The following C3orf62 variants were observed in gnomAD, a reference collection of about 807,000 sequenced individuals.
C3orf62 encodes chromosome 3 open reading frame 62.
A neutral mutation model predicts 21.7 loss-of-function variants in C3orf62; 16 were observed. The ratio of observed to expected loss-of-function variants is 0.74; its 90% CI spans 0.50 to 1.12. C3orf62 has a LOEUF of 1.12. Ranked by LOEUF, C3orf62 falls within the 50% of genes most tolerant of loss-of-function variation. The pLI is 0.00. For synonymous variants in C3orf62, 114 were observed against 117.0 expected, an observed-to-expected ratio of 0.97 and a Z score of 0.17; for missense variants, 310 against 318.8, an observed-to-expected ratio of 0.97 and a Z score of 0.21.
rs181392167 is a variant in C3orf62 at position 49,277,019 on chromosome 3, C to T, written c.-147G>A. On this transcript the variant is annotated 5_prime_UTR_variant, in exon 1 of 3. Transcript: ENST00000343010. ...CCTGGAGTAGGCGGTTCTCGGCTCT[C>T]GCGGAGGAACCCGCCATCTGCCAGA... The T allele has an allele frequency of 0.018, 26,403 of 1,461,758 alleles. 261 individuals are homozygous for T. The highest frequency in any genetic ancestry group is 0.021 in the Non-Finnish European group (23,549 of 1,109,918). The allele number at this position is 1,461,758 out of a possible 1,614,324, so 90.5% of individuals were successfully genotyped here.
intron 2 of C3orf62, among the ~76,000 whole-genome samples, chr3:49,272,414 G>T (rs1244011217): frequency 6.6e-6 from 1 of 150,604 alleles, no homozygotes; most frequent in Non-Finnish European, 1.5e-5. Context: ...AGGACATTCA[G>T]ATTTGTATGT....
chr3:49,276,843 T>A lies in C3orf62; in HGVS notation c.30A>T (p.Leu10Phe), dbSNP rs2046965450. The change falls in exon 1 of 3, where the codon TTA (leucine) becomes TTT (phenylalanine). Residue 10 changes from leucine to phenylalanine, a missense_variant. Physicochemically the swap from Leu to Phe is conservative, Grantham distance 22 (BLOSUM62 0). Transcript: ENST00000343010. The part of the protein sequence containing the change: MHYIKTWSL[L>F]GEMSEKLRRC... Reference sequence around the variant, plus strand: ...TTCTTAGTTTTTCAGACATTTCTCCTAAAAGCGACCATGTCTTTATGTAAT... The same window carrying A: ...TTCTTAGTTTTTCAGACATTTCTCCAAAAAGCGACCATGTCTTTATGTAAT... The A allele has an allele frequency of 6.2e-7, 1 of 1,611,860 alleles. No individual in the cohort carries two copies. The highest frequency in any genetic ancestry group is 8.5e-7 in the Non-Finnish European group (1 of 1,179,214).
In C3orf62 at chr3:49,277,096, C is replaced by T. The variant is rs111861074; in HGVS notation, c.-224G>A. On this transcript the variant is annotated 5_prime_UTR_variant, in exon 1 of 3. Transcript: ENST00000343010. ...CCCACAGCTTCCTGGCCCGCCCCGC[C>T]GCTGCCTCCCGCCCCACCGCGGCTC... is the stretch of plus-strand genomic sequence containing the variant. 2.0e-6 allele frequency: 3 copies of T among 1,482,584 alleles called. No individual in the cohort carries two copies. Among genetic ancestry groups the T allele is most frequent in the African/African-American group, 1.4e-5 (1 of 72,012 alleles). 91.8% of individuals were successfully genotyped at this position (1,482,584 alleles called of 1,614,324 possible).
Position 49,274,160 on chromosome 3 carries a change from G to C in C3orf62, c.447-20C>G, listed in dbSNP as rs189148716. The C allele has an allele frequency of 1.5e-4, 234 of 1,569,644 alleles. 5 individuals are homozygous for C. The East Asian group carries it at 5.2e-3, about 35-fold the overall frequency. On this transcript the variant is annotated intron_variant, in intron 1 of 2. Transcript: ENST00000343010. ...TCTTTCCTGCAGCCCCCAGGTGGGG[G>C]GGAAGAAAAGGTGGGGAATTAGATT...
At chr3:49,273,114 A>G (rs778605477) in intron 2 of C3orf62, among the ~76,000 whole-genome samples, 5 of 152,202 alleles carry the variant, frequency 3.3e-5, no homozygotes, top group Non-Finnish European at 5.9e-5. Flanking sequence ...TGAGCAAAAC[A>G]TCTACCAAAT....
In C3orf62 at chr3:49,271,294, A is replaced by C; in HGVS notation, c.690T>G (p.Asp230Glu). 6.2e-7 allele frequency: 1 copy of C among 1,614,228 alleles called. No individual in the cohort carries two copies. The highest frequency in any genetic ancestry group is 8.5e-7 in the Non-Finnish European group (1 of 1,180,044). The stretch of plus-strand genomic sequence containing the variant: ...CCTGTTTGAGGCTGCCAGGGTCAGC[A>C]TCTGTGGCCTTCTGAGGGCTCTTGT... ...LMDKSPQKAT[D>E]ADPGSLKQAF... is the part of the protein sequence containing the mutation. Residue 230 changes from aspartate (D) to glutamate (E), a missense_variant, in exon 3 of 3, where the codon GAT becomes GAG. Physicochemically the swap from Asp to Glu is conservative, Grantham distance 45 (BLOSUM62 2). Transcript: ENST00000343010.
rs576861139 is a variant in C3orf62 at position 49,277,146 on chromosome 3, C to G, written c.-274G>C. ...CCCAGGCCGCTGGCCCTACCGGCAC[C>G]CCCCCTTTGGCGAGTCGGCAGCCAC... is the stretch of plus-strand genomic sequence containing the variant. On this transcript the variant is annotated 5_prime_UTR_variant, in exon 1 of 3. Transcript: ENST00000343010. 4.9e-6 allele frequency: 7 copies of G among 1,442,322 alleles called. No homozygotes were observed. Among genetic ancestry groups the G allele is most frequent in the Non-Finnish European group, 5.5e-6 (6 of 1,087,166 alleles). The allele number at this position is 1,442,322 out of a possible 1,614,324, so 89.3% of individuals were successfully genotyped here.
Position 49,271,377 on chromosome 3 carries a change from T to G in C3orf62, c.607A>C (p.Met203Leu). The change falls in exon 3 of 3, where the codon ATG (methionine) becomes CTG (leucine). Residue 203 changes from methionine (M) to leucine (L), a missense_variant. Transcript: ENST00000343010. The part of the protein sequence containing the change: ...KIEFENELNH[M>L]CGHCQDSPFK... ...GGTGAATCTTGGCAATGACCACACATGTGGTTCAATTCGTTTTCAAATTCT... is the reference window on the plus strand; with the variant it reads ...GGTGAATCTTGGCAATGACCACACAGGTGGTTCAATTCGTTTTCAAATTCT... 3 of 1,614,196 alleles carry G rather than the reference T, an allele frequency of 1.9e-6. No homozygotes were observed. The highest frequency in any genetic ancestry group is 1.7e-6 in the Non-Finnish European group (2 of 1,180,022).
rs1410954749 is a variant in C3orf62 at position 49,271,020 on chromosome 3, C to T, written c.*160G>A. 1.6e-5 allele frequency: 11 copies of T among 696,070 alleles called. No individual in the cohort carries two copies. Among genetic ancestry groups the T allele is most frequent in the Middle Eastern group, 6.4e-4 (2 of 3,128 alleles). The allele number at this position is 696,070 out of a possible 1,614,324, so 43.1% of individuals were successfully genotyped here. ...AATGGAATTCAAAAAACTGGTCTCA[C>T]AGCTTAAAAAGGGACACAACTGGGA... On this transcript the variant is annotated 3_prime_UTR_variant, in exon 3 of 3. Coordinates refer to ENST00000343010, the MANE Select transcript of C3orf62 (RefSeq NM_198562.3).
chr3:49,276,095 A>G (rs2046956955), intron 1 of C3orf62, among the ~76,000 whole-genome samples: 1 of 152,086 alleles, frequency 6.6e-6, no homozygotes, highest in Admixed American at 6.5e-5. Context: ...TGGAATTAAG[A>G]CTTTTGTTTC....
intron 1 of C3orf62, among the ~76,000 whole-genome samples, chr3:49,275,826 G>A (rs950090812): frequency 2.0e-5 from 3 of 151,944 alleles, no homozygotes; most frequent in Non-Finnish European, 4.4e-5. Context: ...CACCGCGCCC[G>A]GCCTGAAGTT....
rs915131751 is a variant in C3orf62, at chr3:49,271,379, T to C, written c.605A>G (p.His202Arg). The stretch of plus-strand genomic sequence containing the variant: ...TGAATCTTGGCAATGACCACACATG[T>C]GGTTCAATTCGTTTTCAAATTCTAT... ...GKIEFENELN[H>R]MCGHCQDSPF... Residue 202 changes from histidine to arginine, a missense_variant, in exon 3 of 3, where the codon CAC becomes CGC. Coordinates refer to ENST00000343010, the MANE Select transcript of C3orf62 (RefSeq NM_198562.3). 1 of 1,614,064 alleles carries C rather than the reference T, an allele frequency of 6.2e-7. No homozygotes were observed. The highest frequency in any genetic ancestry group is 1.3e-5 in the African/African-American group (1 of 74,918).
intron 1 of C3orf62, among the ~76,000 whole-genome samples, chr3:49,275,066 C>T (rs779642349): frequency 1.3e-5 from 2 of 151,628 alleles, no homozygotes; most frequent in African/African-American, 2.4e-5. Flanking sequence ...GTGATTCATC[C>T]GCCTCAGCCT....
chr3:49,272,709 GCC>G (rs1164498358), intron 2 of C3orf62, among the ~76,000 whole-genome samples: 3 of 151,548 alleles, frequency 2.0e-5, no homozygotes, highest in African/African-American at 4.8e-5. Context: ...GCACCACCAC[GCC>G]TGGCTAATTT....
chr3:49,276,982 T>A lies in C3orf62; in HGVS notation c.-110A>T. On this transcript the variant is annotated 5_prime_UTR_variant, in exon 1 of 3. Coordinates refer to ENST00000343010, the MANE Select transcript of C3orf62 (RefSeq NM_198562.3). Reference sequence around the variant, plus strand: ...CTGGCTATAGCAGGACCCACAACCCTCGGGCTTTCCTCCTGGAGTAGGCGG... The same window carrying A: ...CTGGCTATAGCAGGACCCACAACCCACGGGCTTTCCTCCTGGAGTAGGCGG... 6.7e-7 allele frequency: 1 copy of A among 1,483,694 alleles called. No homozygotes were observed. Among genetic ancestry groups the A allele is most frequent in the Non-Finnish European group, 8.9e-7 (1 of 1,120,546 alleles). The allele number at this position is 1,483,694 out of a possible 1,614,324, so 91.9% of individuals were successfully genotyped here.
chr3:49,275,519 GTTTTTTTTTTT>G (rs59375945), intron 1 of C3orf62, among the ~76,000 whole-genome samples: 8 of 69,296 alleles, frequency 1.2e-4, no homozygotes, highest in African/African-American at 2.3e-4. Flanking sequence ...GAACTTTGAA[GTTTTTTTTTTT>G]TTTTTTTTTT....
chr3:49,273,658 T>G (rs1047261145), intron 2 of C3orf62, among the ~76,000 whole-genome samples: 1 of 151,500 alleles, frequency 6.6e-6, no homozygotes, highest in Non-Finnish European at 1.5e-5. Flanking sequence ...AAGAGAGTGT[T>G]TTTTGTTTTT....
intron 1 of C3orf62, chr3:49,274,350 C>T: frequency 1.9e-6 from 1 of 526,256 alleles, no homozygotes; most frequent in Non-Finnish European, 3.4e-6. Context: ...ACGAGCATCG[C>T]AGACTGTATT....
intron 1 of C3orf62, 124 bp downstream of exon 1, chr3:49,276,303 A>C: frequency 1.2e-6 from 1 of 855,342 alleles, no homozygotes; most frequent in Non-Finnish European, 1.8e-6. Context: ...CCCCAAATGC[A>C]GTCACAGAGC....
Sources: gnomAD v4.1 joint callset for allele counts (sites outside exome capture counted in the v4.1 genomes callset) on GRCh38, gnomAD v4.1.1 for gene constraint, MANE v1.5 for transcripts, NCBI Gene and HGNC (gene_info 2026-07-23, HGNC 2026-07-21) for gene names.